The following KIFC3 variants were observed in gnomAD, a reference collection of about 807,000 sequenced individuals.
KIFC3 encodes the protein kinesin-like protein KIFC3.
KIFC3 carries 60 observed loss-of-function variants against 101.8 expected under a neutral mutation model. The ratio of observed to expected loss-of-function variants is 0.59; its 90% CI spans 0.48 to 0.73. KIFC3 has a LOEUF of 0.73. Ranked by LOEUF, KIFC3 falls within the 30% of genes least tolerant of loss-of-function variation. The pLI, the probability that KIFC3 is intolerant of heterozygous loss-of-function variation, is 0.00. For missense variants in KIFC3, 966 were observed against 1,137.1 expected (o/e 0.85, Z 2.16); for synonymous variants, 476 against 482.7 (o/e 0.99, Z 0.18).
chr16:57,795,110 G>T lies in KIFC3; in HGVS notation c.204C>A (p.Asp68Glu). 6.2e-7 allele frequency: 1 copy of T among 1,611,154 alleles called. No individual in the cohort carries two copies. Among genetic ancestry groups the T allele is most frequent in the Non-Finnish European group, 8.5e-7 (1 of 1,178,832 alleles). ...GRGKDTPVCG[D>E]EDSSARSAAR... ...CTGCACTTCGGGCACTGGAGTCCTC[G>T]TCACCGCAGACTGGGGTATCTTTTC... Residue 68 changes from aspartate to glutamate, a missense_variant, in exon 3 of 20, where the codon GAC becomes GAA. Asp to Glu is a conservative substitution (Grantham distance 45). This residue lies in a region of KIFC3 where 277 missense variants were observed against 252.5 expected (regional missense o/e 1.10). Coordinates refer to ENST00000445690, the MANE Select transcript of KIFC3 (RefSeq NM_001130100.2).
chr16:57,826,802 G>A lies in KIFC3; in HGVS notation c.109-28520C>T, dbSNP rs535772586. On this transcript the variant is annotated intron_variant, in intron 1 of 2. Transcript: ENST00000563028. ...GTGGAGTTCAGTTCTGATTCCAAAAGTCAGATTCCTGATCATATTCTGCCA... is the reference window on the plus strand; with the variant it reads ...GTGGAGTTCAGTTCTGATTCCAAAAATCAGATTCCTGATCATATTCTGCCA... Among the ~76,000 whole-genome samples the A allele has an allele frequency of 8.1e-4, 124 of 152,336 alleles. 1 individual carries two copies. The highest frequency in any genetic ancestry group is 2.8e-3 in the African/African-American group (115 of 41,586).
chr16:57,759,335 G>T, intron 18 of KIFC3, 182 bp from the exon 19 acceptor site: 1 of 706,180 alleles, frequency 1.4e-6, no homozygotes, highest in Non-Finnish European at 2.3e-6. Context: ...CACCTAGGAG[G>T]TAGGCAAGCC....
chr16:57,808,407 T>C (rs1052985115), intron 1 of KIFC3, among the ~76,000 whole-genome samples: 1 of 151,898 alleles, frequency 6.6e-6, no homozygotes, highest in Non-Finnish European at 1.5e-5. Context: ...CTGCCGCTTC[T>C]CTCCTTGCTC....
At chr16:57,792,931 C>T (rs2053997269) in intron 3 of KIFC3, among the ~76,000 whole-genome samples, 1 of 145,186 alleles carries the variant, frequency 6.9e-6, no homozygotes, top group Non-Finnish European at 1.5e-5. Flanking sequence ...GAAGAGATTA[C>T]CAGGACTTAC....
In KIFC3 at chr16:57,788,474, C is replaced by T. The variant is rs372361265; in HGVS notation, c.315+6525G>A. 1.1e-4 allele frequency: 125 copies of T among 1,091,564 alleles called. No individual in the cohort carries two copies. The East Asian group carries it at 3.7e-3, about 33-fold the overall frequency. 67.6% of individuals were successfully genotyped at this position (1,091,564 alleles called of 1,614,324 possible). ...GGAGTCTGTCTAGGCCACCTCCAGC[C>T]GGGGAGGACAGGGCATGGGGATATC... is the stretch of plus-strand genomic sequence containing the variant. On this transcript the variant is annotated intron_variant, in intron 3 of 19. Coordinates refer to ENST00000445690, the MANE Select transcript of KIFC3 (RefSeq NM_001130100.2).
In KIFC3 at chr16:57,765,943, G is replaced by A. The variant is rs137873115; in HGVS notation, c.1331-303C>T. On this transcript the variant is annotated intron_variant, in intron 10 of 19. Transcript: ENST00000445690. ...CCCCGTCAGGGTGAGACACCAGAAC[G>A]GACACTCTTTTTCTCCCTGGACTTC... The A allele has an allele frequency of 8.0e-4, 246 of 307,596 alleles. 2 individuals carry two copies. The highest frequency in any genetic ancestry group is 2.7e-3 in the Middle Eastern group (3 of 1,104). The allele number at this position is 307,596 out of a possible 1,614,324, so 19.1% of individuals were successfully genotyped here.
upstream of KIFC3, among the ~76,000 whole-genome samples, chr16:57,805,756 A>G (rs1555626812): frequency 6.7e-6 from 1 of 149,654 alleles, no homozygotes; most frequent in African/African-American, 2.5e-5. Context: ...GCTCACTGAA[A>G]TCTCTGCCTC....
At chr16:57,778,483 TATCAAC>T (rs1243831071) in intron 3 of KIFC3, among the ~76,000 whole-genome samples, 1 of 152,190 alleles carries the variant, frequency 6.6e-6, no homozygotes, top group Non-Finnish European at 1.5e-5. Context: ...CAAAGGACAC[TATCAAC>T]AGAGTGAAAA....
chr16:57,763,962 G>A (rs1282088270), intron 12 of KIFC3, among the ~76,000 whole-genome samples, 181 bp downstream of exon 12: 5 of 152,188 alleles, frequency 3.3e-5, no homozygotes, highest in African/African-American at 1.2e-4. Flanking sequence ...CCTTGGGCAA[G>A]GGGGCCCCCT....
At chr16:57,761,608 C>G (rs564235101) in intron 13 of KIFC3, 72 bp from the exon 14 acceptor site, 4 of 1,554,734 alleles carry the variant, frequency 2.6e-6, no homozygotes, top group African/African-American at 1.4e-5. Context: ...CCCAGCCCCC[C>G]AGCCAGGAAT....
chr16:57,833,757 C>T (rs1209622442), intron 1 of KIFC3, among the ~76,000 whole-genome samples: 2 of 151,998 alleles, frequency 1.3e-5, no homozygotes, highest in African/African-American at 4.8e-5. Context: ...GGCCACCTGT[C>T]TCTAAGGGAG....
Position 57,772,273 on chromosome 16 carries a change from C to G in KIFC3, c.331G>C (p.Glu111Gln), listed in dbSNP as rs1469719214. The G allele has an allele frequency of 6.2e-7, 1 of 1,613,874 alleles. No individual in the cohort carries two copies. The highest frequency in any genetic ancestry group is 8.5e-7 in the Non-Finnish European group (1 of 1,179,870). Reference sequence around the variant, plus strand: ...TCCTGGGCCTGGCTAATGAGCTTCTCCTTCAGGTGTTCTACCTGTGGGCAC... The same window carrying G: ...TCCTGGGCCTGGCTAATGAGCTTCTGCTTCAGGTGTTCTACCTGTGGGCAC... Reference protein sequence around the residue: ...YLTLQVEHLKEKLISQAQEVS... With the variant: ...YLTLQVEHLKQKLISQAQEVS... The change falls in exon 4 of 20, where the codon GAG becomes CAG. Residue 111 changes from glutamate to glutamine, a missense_variant. Glu to Gln is a conservative substitution (Grantham distance 29, BLOSUM62 2). Transcript: ENST00000445690.
At chr16:57,824,831 G>A (rs2055425779) in intron 1 of KIFC3, among the ~76,000 whole-genome samples, 2 of 152,178 alleles carry the variant, frequency 1.3e-5, no homozygotes, top group African/African-American at 4.8e-5. Context: ...TTTTTGTAAA[G>A]ATGGGGTCTC....
upstream of KIFC3, chr16:57,802,496 C>A: frequency 1.0e-6 from 1 of 983,740 alleles, no homozygotes; most frequent in Non-Finnish European, 1.2e-6. The surrounding 1 kb of genome is among the most constrained non-coding windows in gnomAD (Gnocchi z 5.0). Context: ...GCCCCTCCCG[C>A]ACACTTTCCA....
At chr16:57,775,772 G>GA in intron 3 of KIFC3, 4 of 985,688 alleles carry the variant, frequency 4.1e-6, no homozygotes, top group Non-Finnish European at 4.8e-6. Flanking sequence ...GGACGGAGGA[G>GA]AAAGCAGACT....
chr16:57,833,866 C>CTTTTTTTT (rs201843937), intron 1 of KIFC3, among the ~76,000 whole-genome samples: 3 of 111,316 alleles, frequency 2.7e-5, no homozygotes, highest in African/African-American at 3.8e-5. Flanking sequence ...AATGCAGTTG[C>CTTTTTTTT]TTTTTTTTTT....
intron 1 of KIFC3, among the ~76,000 whole-genome samples, chr16:57,811,007 C>T (rs887560882): frequency 6.6e-6 from 1 of 152,168 alleles, no homozygotes; most frequent in African/African-American, 2.4e-5. Flanking sequence ...GGACTGGTGA[C>T]CTTCTCAGGG....
chr16:57,852,258 G>A (rs2056074246), intron 1 of KIFC3, among the ~76,000 whole-genome samples: 1 of 152,134 alleles, frequency 6.6e-6, no homozygotes, highest in Non-Finnish European at 1.5e-5. Context: ...TTTGCTGCAG[G>A]GTGATGGACC....
chr16:57,782,965 C>G (rs1463452481), intron 3 of KIFC3, among the ~76,000 whole-genome samples: 2 of 151,974 alleles, frequency 1.3e-5, no homozygotes, highest in Admixed American at 6.6e-5. Context: ...AAAAGAAAAA[C>G]AACATTCAAG....
Sources: allele counts gnomAD v4.1 joint callset (sites outside exome capture counted in the v4.1 genomes callset), GRCh38; gene constraint gnomAD v4.1.1; regional missense constraint gnomAD v4.1.1; non-coding constraint Gnocchi (gnomAD v3.1); transcripts MANE v1.5; gene names NCBI Gene and HGNC (gene_info 2026-07-23, HGNC 2026-07-21).